The following PTPRT variants were observed in gnomAD, a reference collection of about 807,000 sequenced individuals.
PTPRT encodes the protein receptor-type tyrosine-protein phosphatase T.
PTPRT carries 56 observed loss-of-function variants against 176.8 expected under a neutral mutation model. That is an observed-to-expected ratio of 0.32 (90% CI 0.26 to 0.40). The LOEUF (loss-of-function observed/expected upper bound fraction) is 0.40. PTPRT is among the 10% of genes least tolerant of loss of function. The pLI is 1.00. For synonymous variants in PTPRT, 783 were observed against 739.0 expected (o/e 1.06, Z -0.96); for missense variants, 1,540 against 1,908.2 (o/e 0.81, Z 3.60).
chr20:42,989,405 G>C (rs898882511), intron 1 of PTPRT, among the ~76,000 whole-genome samples: 13 of 152,228 alleles, frequency 8.5e-5, no homozygotes, highest in Non-Finnish European at 1.9e-4. Context: ...GGAGAACCCG[G>C]GAGTATCACT....
intron 1 of PTPRT, among the ~76,000 whole-genome samples, chr20:43,186,464 T>A (rs954561685): frequency 2.0e-5 from 3 of 152,188 alleles, no homozygotes; most frequent in Non-Finnish European, 4.4e-5. Context: ...CAACACACTG[T>A]CACGGAGTCA....
chr20:42,757,969 G>T (rs1184181347), intron 5 of PTPRT, among the ~76,000 whole-genome samples: 1 of 152,172 alleles, frequency 6.6e-6, no homozygotes, highest in Admixed American at 6.5e-5. Context: ...TCACAGCCTT[G>T]TTTGGGGAGT....
At chr20:42,875,457 A>G (rs937685217) in intron 2 of PTPRT, among the ~76,000 whole-genome samples, 1 of 152,218 alleles carries the variant, frequency 6.6e-6, no homozygotes, top group Non-Finnish European at 1.5e-5. Context: ...TTGTAGCTCC[A>G]AGTACACGAA....
At chr20:42,227,511 A>T (rs1375484143) in intron 15 of PTPRT, among the ~76,000 whole-genome samples, 1 of 152,094 alleles carries the variant, frequency 6.6e-6, no homozygotes, top group Non-Finnish European at 1.5e-5. Flanking sequence ...CTGATAATAC[A>T]AAAACTCTAA....
chr20:42,377,623 C>T (rs967032439), intron 9 of PTPRT, among the ~76,000 whole-genome samples: 1 of 152,196 alleles, frequency 6.6e-6, no homozygotes, highest in African/African-American at 2.4e-5. Flanking sequence ...CTCTTTGTCT[C>T]AATTTCAAAG....
intron 6 of PTPRT, among the ~76,000 whole-genome samples, chr20:42,680,782 C>A (rs895004301): frequency 6.6e-6 from 1 of 152,208 alleles, no homozygotes; most frequent in Non-Finnish European, 1.5e-5. Flanking sequence ...AGTATTAAAT[C>A]TTTCCAAATG....
Position 42,084,775 on chromosome 20 carries a change from G to A in PTPRT, c.4043C>T (p.Pro1348Leu), listed in dbSNP as rs761334315. ...CACTTTGAGCAGAGAGCGCTTGGAG[G>A]GGGGCGTGTCCCGGTAGGCAGGCCA... ...IGWPAYRDTP[P>L]SKRSLLKVVR... The change falls in exon 29 of 31, where the codon CCC (proline) becomes CTC (leucine). Residue 1348 changes from proline to leucine, a missense_variant. Around this residue, in one of 11 missense-constraint regions of PTPRT, gnomAD observed 342 missense variants for 394.0 expected, o/e 0.87. Coordinates refer to ENST00000373187, the MANE Select transcript of PTPRT (RefSeq NM_007050.6). 6 of 1,559,854 alleles carry A rather than the reference G, an allele frequency of 3.8e-6. No homozygotes were observed. The highest frequency in any genetic ancestry group is 5.2e-6 in the Non-Finnish European group (6 of 1,148,832).
intron 7 of PTPRT, among the ~76,000 whole-genome samples, chr20:42,532,437 C>T (rs1809497283): frequency 6.6e-6 from 1 of 152,076 alleles, no homozygotes; most frequent in Non-Finnish European, 1.5e-5. Flanking sequence ...GTCTCAAATC[C>T]ATTACCCAGG....
intron 15 of PTPRT, among the ~76,000 whole-genome samples, chr20:42,229,839 T>C (rs887822151): frequency 6.6e-6 from 1 of 152,090 alleles, no homozygotes; most frequent in Non-Finnish European, 1.5e-5. Flanking sequence ...TCTAGAGTTA[T>C]CTAAAAAATG....
At chr20:43,125,754 G>A (rs887512136) in intron 1 of PTPRT, among the ~76,000 whole-genome samples, 3 of 152,202 alleles carry the variant, frequency 2.0e-5, no homozygotes, top group African/African-American at 7.2e-5. Flanking sequence ...GGTCAAAGGG[G>A]ATTCTGAAGC....
intron 1 of PTPRT, among the ~76,000 whole-genome samples, chr20:43,016,836 C>A (rs973632058): frequency 6.6e-6 from 1 of 151,828 alleles, no homozygotes; most frequent in East Asian, 1.9e-4. Context: ...CGTGTCCAGC[C>A]CTCTCACTGC....
chr20:42,564,852 T>C (rs955643249), intron 7 of PTPRT, among the ~76,000 whole-genome samples: 2 of 152,152 alleles, frequency 1.3e-5, no homozygotes, highest in Non-Finnish European at 2.9e-5. Context: ...CTAGAGATGA[T>C]TTAAAGTATA....
At chr20:42,832,179 C>A (rs1196445758) in intron 2 of PTPRT, among the ~76,000 whole-genome samples, 1 of 152,190 alleles carries the variant, frequency 6.6e-6, no homozygotes, top group African/African-American at 2.4e-5. Flanking sequence ...CCATGGAATA[C>A]AATGTAGCCA....
intron 6 of PTPRT, among the ~76,000 whole-genome samples, chr20:42,716,731 G>A (rs938784989): frequency 6.6e-5 from 10 of 152,026 alleles, no homozygotes; most frequent in Non-Finnish European, 1.2e-4. Flanking sequence ...AAAGACACAC[G>A]CACATGTATG....
intron 9 of PTPRT, among the ~76,000 whole-genome samples, chr20:42,401,642 A>C (rs1479882866): frequency 2.0e-5 from 3 of 152,144 alleles, no homozygotes; most frequent in Non-Finnish European, 4.4e-5. Context: ...GTGAACTTAG[A>C]CATTGTTCTC....
intron 1 of PTPRT, among the ~76,000 whole-genome samples, chr20:42,947,448 G>C (rs1600583627): frequency 6.6e-6 from 1 of 152,076 alleles, no homozygotes; most frequent in African/African-American, 2.4e-5. Flanking sequence ...GTTCTCCATA[G>C]AGCAGGGAAA....
intron 6 of PTPRT, among the ~76,000 whole-genome samples, chr20:42,728,639 G>A (rs1025887509): frequency 7.2e-5 from 11 of 152,040 alleles, no homozygotes; most frequent in African/African-American, 1.9e-4. Flanking sequence ...GTTCCTACAC[G>A]ACAGCTGATG....
chr20:42,881,245 T>G (rs1263206360), intron 2 of PTPRT, among the ~76,000 whole-genome samples: 3 of 152,088 alleles, frequency 2.0e-5, no homozygotes, highest in African/African-American at 4.8e-5. Context: ...AAACTGGGAG[T>G]TGAGACCCTA....
At chr20:42,123,216 T>A (rs773342695) in intron 19 of PTPRT, among the ~76,000 whole-genome samples, 5 of 152,240 alleles carry the variant, frequency 3.3e-5, no homozygotes, top group Admixed American at 6.5e-5. Flanking sequence ...AAGATTCTAA[T>A]GTGCTTGAAA....
Sources: gnomAD v4.1 joint callset for allele counts (sites outside exome capture counted in the v4.1 genomes callset) on GRCh38, gnomAD v4.1.1 for gene constraint, gnomAD v4.1.1 regional missense constraint, MANE v1.5 for transcripts, NCBI Gene and HGNC (gene_info 2026-07-23, HGNC 2026-07-21) for gene names.